Variants in EFNB2 observed in about 807,000 individuals in gnomAD.
EFNB2 encodes the protein ephrin-B2.
In EFNB2, 5 loss-of-function variants were observed where a neutral mutation model predicts 32.1. That is an observed-to-expected ratio of 0.16 (90% CI 0.08 to 0.33). EFNB2 has a LOEUF of 0.33. EFNB2 is among the 10% of genes least tolerant of loss of function. The probability of loss-of-function intolerance (pLI) is 1.00; values close to 1 mark genes in which losing one functional copy is unlikely to be tolerated. For synonymous variants in EFNB2, 168 were observed against 166.5 expected, an observed-to-expected ratio of 1.01 and a Z score of -0.07; for missense variants, 263 against 422.6, an observed-to-expected ratio of 0.62 and a Z score of 3.31.
Position 106,512,728 on chromosome 13 carries a change from A to G in EFNB2, c.207T>C (p.Thr69=). 1 of 1,613,844 alleles carries G rather than the reference A, an allele frequency of 6.2e-7. No individual in the cohort carries two copies. The change falls in exon 2 of 5, where the codon ACT becomes ACC. Residue 69 remains threonine, a synonymous_variant. Coordinates refer to ENST00000646441, the MANE Select transcript of EFNB2 (RefSeq NM_004093.4). ...CTTTATAATATTCATACTGGCCAAC[A>G]GTTTTAGAGTCCACTTTGGGGCAAA... ...DIICPKVDSK[T]VGQYEYYKVY...
chr13:106,489,956 A>G lies in EFNB2; in HGVS notation c.*3084T>C, dbSNP rs1878344025. 6.6e-6 allele frequency: 1 copy of G among 152,636 alleles called. No individual in the cohort carries two copies. The highest frequency in any genetic ancestry group is 1.5e-5 in the Non-Finnish European group (1 of 68,026). The allele number at this position is 152,636 out of a possible 1,614,324, so 9.5% of individuals were successfully genotyped here. ...TAATACTGTGTTACTTACAAATTGG[A>G]CAACGAAATTTTAAATAAATATTCA... is the stretch of plus-strand genomic sequence containing the variant. On this transcript the variant is annotated 3_prime_UTR_variant, in exon 5 of 5. Coordinates refer to ENST00000646441, the MANE Select transcript of EFNB2 (RefSeq NM_004093.4).
intron 2 of EFNB2, among the ~76,000 whole-genome samples, 196 bp from the exon 3 acceptor site, chr13:106,496,036 C>T (rs570066575): frequency 4.6e-5 from 7 of 152,262 alleles, no homozygotes; most frequent in South Asian, 4.2e-4. Flanking sequence ...AAATGGATAT[C>T]GGAAACACTG....
chr13:106,516,814 A>T (rs1305856647), intron 1 of EFNB2: 1 of 152,204 alleles, frequency 6.6e-6, no homozygotes, highest in Non-Finnish European at 1.5e-5. Context: ...CCAGGAACCA[A>T]AAGGTGAGGA....
At chr13:106,501,748 A>G (rs1352246656) in intron 2 of EFNB2, among the ~76,000 whole-genome samples, 1 of 151,904 alleles carries the variant, frequency 6.6e-6, no homozygotes, top group African/African-American at 2.4e-5. Flanking sequence ...GCCCGCCACC[A>G]CACCCGGCTC....
intron 1 of EFNB2, among the ~76,000 whole-genome samples, chr13:106,525,644 C>T (rs1382012710): frequency 6.6e-6 from 1 of 152,300 alleles, no homozygotes; most frequent in African/African-American, 2.4e-5. Context: ...ACTCAAGCTC[C>T]TCCTCCCTAG....
At chr13:106,503,355 G>A (rs1160070939) in intron 2 of EFNB2, among the ~76,000 whole-genome samples, 1 of 152,116 alleles carries the variant, frequency 6.6e-6, no homozygotes, top group East Asian at 1.9e-4. Flanking sequence ...ACTTAATATA[G>A]TGGGAACATG....
chr13:106,493,172 GATA>G lies in EFNB2; in HGVS notation c.867_869del (p.Ile291del). On this transcript the variant is annotated inframe_deletion, in exon 5 of 5. Transcript: ENST00000646441. This position sits in a 1 kb window ranked among gnomAD's most constrained non-coding sequence, Gnocchi z 6.1. ...CGCTGTCCGCAGTCCTTAGCGGGAT[GATA>G]ATGTCACTGGGCTCTGAGCCGTTGT... The G allele has an allele frequency of 1.2e-6, 2 of 1,614,214 alleles. No individual in the cohort carries two copies. Among genetic ancestry groups the G allele is most frequent in the South Asian group, 2.2e-5 (2 of 91,088 alleles).
chr13:106,494,787 G>T, intron 4 of EFNB2, 94 bp downstream of exon 4: 1 of 927,780 alleles, frequency 1.1e-6, no homozygotes, highest in Non-Finnish European at 1.8e-6. Context: ...AATCCTAACT[G>T]GTTAGAAGTC....
chr13:106,528,901 C>A (rs1879786648), intron 1 of EFNB2, among the ~76,000 whole-genome samples: 1 of 152,176 alleles, frequency 6.6e-6, no homozygotes, highest in African/African-American at 2.4e-5. Flanking sequence ...GTAATTTACA[C>A]CACCTCTAAC....
At chr13:106,532,281 C>T (rs1879903488) in intron 1 of EFNB2, among the ~76,000 whole-genome samples, 1 of 152,042 alleles carries the variant, frequency 6.6e-6, no homozygotes, top group African/African-American at 2.4e-5. Context: ...TTTTCTGGAC[C>T]CTGTATCCAA....
At chr13:106,515,341 T>C (rs1879277879) in intron 1 of EFNB2, among the ~76,000 whole-genome samples, 1 of 152,222 alleles carries the variant, frequency 6.6e-6, no homozygotes, top group South Asian at 2.1e-4. Context: ...TGTCCAACTT[T>C]GTTAAAAATC....
intron 1 of EFNB2, among the ~76,000 whole-genome samples, chr13:106,533,612 C>T (rs945634188): frequency 1.3e-5 from 2 of 152,174 alleles, no homozygotes; most frequent in Admixed American, 1.3e-4. Flanking sequence ...AAATTTGACA[C>T]TTTTAAGAGA....
chr13:106,512,892 G>T, intron 1 of EFNB2, 80 bp from the exon 2 acceptor site: 2 of 1,260,454 alleles, frequency 1.6e-6, no homozygotes, highest in South Asian at 1.8e-5. Context: ...GCCAGGCAAT[G>T]CCCATAATCC....
chr13:106,533,265 G>T (rs1051924668), intron 1 of EFNB2, among the ~76,000 whole-genome samples: 6 of 146,282 alleles, frequency 4.1e-5, no homozygotes, highest in African/African-American at 1.5e-4. Context: ...CCCCGCGACC[G>T]CCTCGCCCGC....
At chr13:106,513,098 C>G (rs570504357) in intron 1 of EFNB2, among the ~76,000 whole-genome samples, 2 of 152,296 alleles carry the variant, frequency 1.3e-5, no homozygotes, top group East Asian at 3.9e-4. Flanking sequence ...TGTAATATTT[C>G]AGTACTCCTT....
intron 1 of EFNB2, among the ~76,000 whole-genome samples, chr13:106,514,113 CCTCT>C (rs948954634): frequency 6.6e-6 from 1 of 152,110 alleles, no homozygotes; most frequent in African/African-American, 2.4e-5. Flanking sequence ...GTGGCTGTTA[CCTCT>C]TTCTTGGGAA....
In EFNB2 at chr13:106,535,036, A is replaced by G. The variant is rs1015099225; in HGVS notation, c.-72T>C. ...GACGGGACGCAGGCTGGGACCCCCA[A>G]TCCTCCGGGGCAGACTGGCGGGGAA... On this transcript the variant is annotated 5_prime_UTR_variant, in exon 1 of 5. Transcript: ENST00000646441. 29 of 1,565,012 alleles carry G rather than the reference A, an allele frequency of 1.9e-5. No individual in the cohort carries two copies. The African/African-American group carries it at 2.3e-4, about 13-fold the overall frequency.
rs930365093 is a variant in EFNB2 at position 106,518,095 on chromosome 13, T to C, written c.123-5283A>G. ...TGGCTCACGCCTATAATCCCAGCAC[T>C]TTGGGAGGCTGAGGCGGGTGGATCA... On this transcript the variant is annotated intron_variant, in intron 1 of 4. Transcript: ENST00000646441. This position sits in a 1 kb window ranked among gnomAD's most constrained non-coding sequence, Gnocchi z 4.1. The C allele has an allele frequency of 1.3e-5, 2 of 152,228 alleles. No individual in the cohort carries two copies. The highest frequency in any genetic ancestry group is 6.5e-5 in the Admixed American group (1 of 15,284). 9.4% of individuals were successfully genotyped at this position (152,228 alleles called of 1,614,324 possible).
chr13:106,509,663 G>GTC (rs1256737862), intron 2 of EFNB2, among the ~76,000 whole-genome samples: 1 of 149,760 alleles, frequency 6.7e-6, no homozygotes, highest in Non-Finnish European at 1.5e-5. Context: ...GTGTGTGTGT[G>GTC]TGTGTGTGCA....
Sources: gnomAD v4.1 joint callset for allele counts (sites outside exome capture counted in the v4.1 genomes callset) on GRCh38, gnomAD v4.1.1 for gene constraint, Gnocchi (gnomAD v3.1) non-coding constraint, MANE v1.5 for transcripts, NCBI Gene and HGNC (gene_info 2026-07-23, HGNC 2026-07-21) for gene names.